VPS13D: variants seen among roughly 807,000 people sequenced by gnomAD.
VPS13D encodes vacuolar protein sorting 13 homolog D, also known as intermembrane lipid transfer protein VPS13D.
VPS13D carries 187 observed loss-of-function variants against 461.9 expected under a neutral mutation model. The ratio of observed to expected loss-of-function variants is 0.40; its 90% confidence interval spans 0.36 to 0.46. The LOEUF (loss-of-function observed/expected upper bound fraction) is 0.46. Among genes scored for constraint, VPS13D ranks in the 20% least tolerant of loss-of-function variants. VPS13D has a pLI of 0.60. For missense variants in VPS13D, 4,711 were observed against 5,364.9 expected, an observed-to-expected ratio of 0.88 and a Z score of 3.81; for synonymous variants, 1,951 against 1,986.3, an observed-to-expected ratio of 0.98 and a Z score of 0.47.
intron 56 of VPS13D, 37 bp from the exon 57 acceptor site, chr1:12,379,451 G>C (rs772080588): frequency 2.5e-6 from 4 of 1,583,656 alleles, no homozygotes; most frequent in Non-Finnish European, 3.5e-6. Context: ...CAGTTGACTC[G>C]GAGGTTTCAT....
rs77316375 is a variant in VPS13D, at chr1:12,358,003, C to CA, written c.9999-440dup. Reference sequence around the variant, plus strand: ...TGGGCGACAGAGCAAGATTCCACCTCAAAAAAAAAAAAAAAAGTATCAGCC... The same window carrying CA: ...TGGGCGACAGAGCAAGATTCCACCTCAAAAAAAAAAAAAAAAAGTATCAGCC... On this transcript the variant is annotated intron_variant, in intron 49 of 69. Coordinates refer to ENST00000620676, the MANE Select transcript of VPS13D (RefSeq NM_015378.4). Among the ~76,000 whole-genome samples the CA allele has an allele frequency of 6.0e-3, 580 of 96,654 alleles. 12 individuals are homozygous for CA. In the South Asian group the frequency reaches 0.071, roughly 12 times the overall value. 63.4% of individuals were successfully genotyped at this position (96,654 alleles called of 152,430 possible).
intron 29 of VPS13D, 65 bp downstream of exon 29, chr1:12,311,990 T>C: frequency 7.3e-7 from 1 of 1,375,840 alleles, no homozygotes; most frequent in South Asian, 1.3e-5. Context: ...ATGTTTTGCA[T>C]TGACACAGAG....
chr1:12,485,030 A>T (rs1236408877), intron 67 of VPS13D, among the ~76,000 whole-genome samples: 1 of 152,102 alleles, frequency 6.6e-6, no homozygotes, highest in East Asian at 1.9e-4. Flanking sequence ...AAAAAGATGG[A>T]TCAAATTTTG....
chr1:12,476,885 C>A (rs1467628177), intron 67 of VPS13D, among the ~76,000 whole-genome samples: 2 of 152,186 alleles, frequency 1.3e-5, no homozygotes, highest in Admixed American at 1.3e-4. Context: ...GACAAGGAAA[C>A]CTTGTGAGGA....
intron 3 of VPS13D, 107 bp from the exon 4 acceptor site, chr1:12,244,139 T>G (rs1248428490): frequency 8.8e-7 from 1 of 1,133,494 alleles, no homozygotes; most frequent in Non-Finnish European, 1.2e-6. Context: ...TAAAAAAAAG[T>G]AGTAACAGCA....
chr1:12,465,533 C>T (rs1030072993), intron 67 of VPS13D, among the ~76,000 whole-genome samples: 1 of 152,094 alleles, frequency 6.6e-6, no homozygotes, highest in Non-Finnish European at 1.5e-5. Flanking sequence ...GGATTGTGCA[C>T]GTAGATGTAA....
At chr1:12,485,858 G>C (rs1645790722) in intron 67 of VPS13D, among the ~76,000 whole-genome samples, 1 of 152,126 alleles carries the variant, frequency 6.6e-6, no homozygotes, top group Non-Finnish European at 1.5e-5. Flanking sequence ...ATAATCTTTT[G>C]TTACCAGGTT....
intron 60 of VPS13D, among the ~76,000 whole-genome samples, chr1:12,390,201 C>T (rs181053973): frequency 4.6e-5 from 7 of 152,262 alleles, no homozygotes; most frequent in Non-Finnish European, 7.4e-5. Flanking sequence ...TGAATGGTGC[C>T]ACTTCCTCTT....
chr1:12,304,819 C>A, intron 26 of VPS13D, 91 bp downstream of exon 26: 2 of 1,242,894 alleles, frequency 1.6e-6, no homozygotes, highest in Non-Finnish European at 1.1e-6. Flanking sequence ...TGTGTTCAAG[C>A]AAATGTTAAC....
At position 12,383,123 on chromosome 1, in the gene VPS13D, G is replaced by A; in HGVS notation, c.11338G>A (p.Val3780Ile). ...TGGTTCTGGAATGTTATCCATCAGA[G>A]TCATCCCAGATGGACCAACTAGAGC... Reference protein sequence around the residue: ...RPGSGMLSIRVIPDGPTRALQ... With the variant: ...RPGSGMLSIRIIPDGPTRALQ... The change falls in exon 58 of 70, where the codon GTC becomes ATC. Residue 3780 changes from valine to isoleucine, a missense_variant. Transcript: ENST00000620676. 6.2e-7 allele frequency: 1 copy of A among 1,614,064 alleles called. No individual in the cohort carries two copies. The highest frequency in any genetic ancestry group is 2.2e-5 in the East Asian group (1 of 44,878).
intron 18 of VPS13D, among the ~76,000 whole-genome samples, chr1:12,274,832 C>G (rs550322495): frequency 1.3e-5 from 2 of 152,276 alleles, no homozygotes; most frequent in African/African-American, 4.8e-5. Flanking sequence ...CCTGTAATAC[C>G]CAGCACTTTG....
chr1:12,321,791 T>C lies in VPS13D; in HGVS notation c.7549-18T>C. 1.3e-6 allele frequency: 2 copies of C among 1,591,976 alleles called. No individual in the cohort carries two copies. The highest frequency in any genetic ancestry group is 1.7e-6 in the Non-Finnish European group (2 of 1,172,790). On this transcript the variant is annotated intron_variant, in intron 32 of 69. Transcript: ENST00000620676. Reference sequence around the variant, plus strand: ...AAATCAGACATTAATTCTCGCCATATTGCATTTCATTCTGTAGGTGTTTTC... The same window carrying C: ...AAATCAGACATTAATTCTCGCCATACTGCATTTCATTCTGTAGGTGTTTTC...
At chr1:12,488,138 C>A (rs894841583) in intron 67 of VPS13D, among the ~76,000 whole-genome samples, 6 of 152,196 alleles carry the variant, frequency 3.9e-5, no homozygotes, top group Admixed American at 3.9e-4. Flanking sequence ...GAGAACTTGT[C>A]CCCCAGGGTG....
At chr1:12,360,167 G>A (rs1643928299) in intron 50 of VPS13D, among the ~76,000 whole-genome samples, 1 of 152,250 alleles carries the variant, frequency 6.6e-6, no homozygotes, top group Non-Finnish European at 1.5e-5. Flanking sequence ...TGTGATTTAA[G>A]TTTTGTTGAT....
intron 18 of VPS13D, 80 bp downstream of exon 18, chr1:12,273,215 T>TA (rs1641506789): frequency 1.3e-6 from 2 of 1,482,460 alleles, no homozygotes; most frequent in East Asian, 2.4e-5. Flanking sequence ...TAAAGCTTAA[T>TA]AAAATGTTTA....
At chr1:12,488,119 C>G (rs1645825396) in intron 67 of VPS13D, among the ~76,000 whole-genome samples, 1 of 152,222 alleles carries the variant, frequency 6.6e-6, no homozygotes, top group South Asian at 2.1e-4. Flanking sequence ...GTCATTCAGA[C>G]AGGTCCAGGA....
chr1:12,368,216 ATCC>A (rs2101624713), intron 52 of VPS13D, among the ~76,000 whole-genome samples: 1 of 152,276 alleles, frequency 6.6e-6, no homozygotes, highest in South Asian at 2.1e-4. Context: ...ACATCCATCC[ATCC>A]TCTTCTTTAC....
intron 6 of VPS13D, 50 bp downstream of exon 6, chr1:12,249,389 A>G: frequency 4.1e-6 from 6 of 1,478,016 alleles, no homozygotes; most frequent in Non-Finnish European, 5.6e-6. Flanking sequence ...TGCTCTAGGA[A>G]TCTGGGGCTC....
Position 12,348,927 on chromosome 1 carries a change from T to C in VPS13D, c.9174T>C (p.Leu3058=), listed in dbSNP as rs1643735981. The change falls in exon 45 of 70, where the codon CTT becomes CTC. Residue 3058 remains leucine, a synonymous_variant. Transcript: ENST00000620676. The part of the protein sequence containing the change: ...VRSALIVRNR[L]ETPMELRLDS... ...CAGCCCTCATTGTGAGGAACAGACT[T>C]GAGACACCAATGGAACTAAGACTGG... The C allele has an allele frequency of 6.2e-7, 1 of 1,613,998 alleles. No individual in the cohort carries two copies. The highest frequency in any genetic ancestry group is 2.2e-5 in the East Asian group (1 of 44,882).
Sources: gnomAD v4.1 joint callset for allele counts (sites outside exome capture counted in the v4.1 genomes callset) on GRCh38, gnomAD v4.1.1 for gene constraint, MANE v1.5 for transcripts, NCBI Gene and HGNC (gene_info 2026-07-23, HGNC 2026-07-21) for gene names.